The following MAPKAP1 variants were observed in gnomAD, a reference collection of about 807,000 sequenced individuals.
MAPKAP1 encodes MAPK associated protein 1, also known as target of rapamycin complex 2 subunit MAPKAP1.
In MAPKAP1, 20 loss-of-function variants were observed where a neutral mutation model predicts 65.7. The ratio of observed to expected loss-of-function variants is 0.30; its 90% CI spans 0.21 to 0.44. MAPKAP1 has a LOEUF of 0.44. MAPKAP1 is among the 20% of genes least tolerant of loss of function. The pLI is 1.00. For synonymous variants in MAPKAP1, 222 were observed against 244.3 expected, an observed-to-expected ratio of 0.91 and a Z score of 0.85; for missense variants, 423 against 648.0, an observed-to-expected ratio of 0.65 and a Z score of 3.77.
chr9:125,537,466 C>A (rs924042602), intron 7 of MAPKAP1, among the ~76,000 whole-genome samples: 1 of 152,144 alleles, frequency 6.6e-6, no homozygotes, highest in Non-Finnish European at 1.5e-5. Flanking sequence ...CCTCCCATGG[C>A]ACACAAATCC....
At chr9:125,661,502 C>T (rs751176546) in intron 3 of MAPKAP1, among the ~76,000 whole-genome samples, 80 of 152,022 alleles carry the variant, frequency 5.3e-4, no homozygotes, top group Non-Finnish European at 1.0e-3. Flanking sequence ...AAGCTTATCT[C>T]TATATATTGC....
chr9:125,531,721 C>G (rs903833759), intron 7 of MAPKAP1, among the ~76,000 whole-genome samples: 1 of 152,088 alleles, frequency 6.6e-6, no homozygotes, highest in Non-Finnish European at 1.5e-5. Flanking sequence ...ACACTGAGAA[C>G]CCATATACCC....
rs541106095 is a variant in MAPKAP1 at position 125,447,082 on chromosome 9, T to C, written c.1346-2484A>G. On this transcript the variant is annotated intron_variant, in intron 10 of 11. Coordinates refer to ENST00000265960, the MANE Select transcript of MAPKAP1 (RefSeq NM_001006617.3). The surrounding 1 kb of genome is among the most constrained non-coding windows in gnomAD (Gnocchi z 4.5). ...TCACGTGAAAAAAACAAAAAAATCA[T>C]ACCAAGCCAAGTCTCCTGAAAGGCT... Among the ~76,000 whole-genome samples, 10 of 152,042 alleles carry C rather than the reference T, an allele frequency of 6.6e-5. No homozygotes were observed. Among genetic ancestry groups the C allele is most frequent in the Non-Finnish European group, 1.5e-4 (10 of 68,004 alleles).
intron 1 of MAPKAP1, among the ~76,000 whole-genome samples, chr9:125,677,644 C>T (rs2790035): frequency 0.51 from 78,084 of 151,692 alleles, 21,039 homozygotes; most frequent in East Asian, 0.68. Flanking sequence ...TGCAGTGAGC[C>T]GAAATTGCCA....
chr9:125,645,966 G>T (rs1833715145), intron 4 of MAPKAP1, among the ~76,000 whole-genome samples: 1 of 152,004 alleles, frequency 6.6e-6, no homozygotes, highest in Admixed American at 6.6e-5. Context: ...AAAATTTTTT[G>T]AGATAATTGT....
intron 7 of MAPKAP1, among the ~76,000 whole-genome samples, chr9:125,508,041 C>G (rs1233886847): frequency 6.6e-6 from 1 of 152,074 alleles, no homozygotes; most frequent in African/African-American, 2.4e-5. Flanking sequence ...TGGTGCGCAC[C>G]TGTAGTCCCA....
chr9:125,701,638 CT>C (rs1835601884), intron 1 of MAPKAP1, among the ~76,000 whole-genome samples: 1 of 152,196 alleles, frequency 6.6e-6, no homozygotes, highest in African/African-American at 2.4e-5. Flanking sequence ...TGATTACCCC[CT>C]TTGTAATACT....
chr9:125,473,897 C>A (rs960616372), intron 9 of MAPKAP1, among the ~76,000 whole-genome samples: 1 of 152,168 alleles, frequency 6.6e-6, no homozygotes, highest in Non-Finnish European at 1.5e-5. Flanking sequence ...TTGGGAAAAA[C>A]TTCTATAAAA....
At chr9:125,471,720 C>T (rs1394833146) in intron 9 of MAPKAP1, 1 of 152,338 alleles carries the variant, frequency 6.6e-6, no homozygotes, top group African/African-American at 2.4e-5. Context: ...CACACGGTCC[C>T]TGTAGCTCAG....
chr9:125,620,864 C>T (rs544717985), intron 4 of MAPKAP1, among the ~76,000 whole-genome samples: 72 of 147,374 alleles, frequency 4.9e-4, no homozygotes, highest in African/African-American at 1.7e-3. Context: ...TGGGTAGGGA[C>T]GACATGAATG....
At chr9:125,579,545 G>A (rs1287782217) in intron 5 of MAPKAP1, among the ~76,000 whole-genome samples, 6 of 152,146 alleles carry the variant, frequency 3.9e-5, no homozygotes, top group Non-Finnish European at 7.3e-5. Flanking sequence ...CACCCACCTC[G>A]GCCTCCCAGA....
chr9:125,657,502 C>T, intron 4 of MAPKAP1, 149 bp downstream of exon 4: 1 of 725,408 alleles, frequency 1.4e-6, no homozygotes, highest in South Asian at 2.3e-5. Context: ...ACCTTTACAT[C>T]AAGTCTTAGA....
chr9:125,683,962 AC>A (rs1272876221), intron 1 of MAPKAP1, among the ~76,000 whole-genome samples: 1 of 152,162 alleles, frequency 6.6e-6, no homozygotes, highest in African/African-American at 2.4e-5. Context: ...TTTCAGGTGT[AC>A]CCTTCTCCAA....
chr9:125,702,321 G>T (rs963520371), intron 1 of MAPKAP1, among the ~76,000 whole-genome samples: 7 of 152,108 alleles, frequency 4.6e-5, no homozygotes, highest in Admixed American at 6.6e-5. Context: ...GATCACCTGA[G>T]GTCGGGAGTT....
At chr9:125,560,753 A>T (rs1830869040) in intron 5 of MAPKAP1, among the ~76,000 whole-genome samples, 1 of 152,178 alleles carries the variant, frequency 6.6e-6, no homozygotes, top group South Asian at 2.1e-4. Context: ...GTAAAAGCAA[A>T]TGACTGGATT....
At chr9:125,446,172 C>T (rs1413345860) in intron 10 of MAPKAP1, among the ~76,000 whole-genome samples, 1 of 152,120 alleles carries the variant, frequency 6.6e-6, no homozygotes, top group Non-Finnish European at 1.5e-5. Flanking sequence ...GCTAATTTTT[C>T]AGATCTCCAA....
intron 3 of MAPKAP1, among the ~76,000 whole-genome samples, chr9:125,663,513 C>T (rs1454545313): frequency 6.6e-6 from 1 of 152,202 alleles, no homozygotes; most frequent in African/African-American, 2.4e-5. Context: ...CCCATTCTGG[C>T]ACATTATGTT....
chr9:125,654,770 A>ACACT (rs529258334), intron 4 of MAPKAP1, among the ~76,000 whole-genome samples: 127 of 152,368 alleles, frequency 8.3e-4, no homozygotes, highest in African/African-American at 2.9e-3. Flanking sequence ...ACTGTTAAGA[A>ACACT]CACTATATGT....
intron 4 of MAPKAP1, among the ~76,000 whole-genome samples, chr9:125,618,717 T>C (rs545985776): frequency 2.0e-5 from 3 of 152,000 alleles, no homozygotes; most frequent in African/African-American, 4.8e-5. Flanking sequence ...TCAATTATGA[T>C]AAAACAACAA....
Sources: gnomAD v4.1 joint callset for allele counts (sites outside exome capture counted in the v4.1 genomes callset) on GRCh38, gnomAD v4.1.1 for gene constraint, Gnocchi (gnomAD v3.1) non-coding constraint, MANE v1.5 for transcripts, NCBI Gene and HGNC (gene_info 2026-07-23, HGNC 2026-07-21) for gene names.